The following BBS4 variants were observed in gnomAD, a reference collection of about 807,000 sequenced individuals.
BBS4 encodes the protein BBSome complex member BBS4.
Under a neutral mutation model 71.4 loss-of-function variants are expected in BBS4, and 58 were observed. The observed-to-expected ratio is 0.81, with a 90% CI of 0.66 to 1.01. The LOEUF (loss-of-function observed/expected upper bound fraction) is 1.01, where lower values mean the gene tolerates loss of function less well. Ranked by LOEUF, BBS4 falls within the 50% of genes least tolerant of loss-of-function variation. BBS4 has a pLI of 0.00. For synonymous variants in BBS4, 228 were observed against 216.8 expected (o/e 1.05, Z -0.46); for missense variants, 660 against 607.9 (o/e 1.09, Z -0.90).
chr15:72,716,561 G>C (rs1381839950), intron 5 of BBS4, among the ~76,000 whole-genome samples: 1 of 152,152 alleles, frequency 6.6e-6, no homozygotes, highest in African/African-American at 2.4e-5. Flanking sequence ...TATAGAATGA[G>C]ACCAAGGCCT....
At chr15:72,704,550 A>C in intron 2 of BBS4, 1 of 838,834 alleles carries the variant, frequency 1.2e-6, no homozygotes. Context: ...GAATTCCTTC[A>C]TCTTTGATGA....
At chr15:72,687,514 G>C (rs2064881396) in intron 1 of BBS4, among the ~76,000 whole-genome samples, 1 of 151,426 alleles carries the variant, frequency 6.6e-6, no homozygotes, top group Non-Finnish European at 1.5e-5. Flanking sequence ...TGAGGCAGGA[G>C]AATCGCTTGA....
At chr15:72,717,386 G>GAGAATTAAAAAAAA in intron 6 of BBS4, 1 of 153,458 alleles carries the variant, frequency 6.5e-6, no homozygotes, top group Admixed American at 6.5e-5. Context: ...TAATTCTCAT[G>GAGAATTAAAAAAAA]AAACAAGATG....
At chr15:72,695,335 T>C in intron 2 of BBS4, 107 bp downstream of exon 2, 1 of 730,052 alleles carries the variant, frequency 1.4e-6, no homozygotes, top group South Asian at 1.8e-5. Flanking sequence ...TCACCCAGGC[T>C]GGAGTGCAGT....
intron 2 of BBS4, among the ~76,000 whole-genome samples, chr15:72,703,036 C>T (rs1247891974): frequency 6.6e-6 from 1 of 151,054 alleles, no homozygotes; most frequent in Admixed American, 6.6e-5. Context: ...TGGTCTCGAT[C>T]TCCTGACCTC....
rs1384519087 is a variant in BBS4 at position 72,737,521 on chromosome 15, TCTGGAGCCAGAGC to T, written c.1498_1510del (p.Glu500ArgfsTer13). The T allele has an allele frequency of 6.2e-7, 1 of 1,613,246 alleles. No homozygotes were observed. The highest frequency in any genetic ancestry group is 2.2e-5 in the East Asian group (1 of 44,890). ...AGTTCACAAAGCCCCCATCTCTTCC[TCTGGAGCCAGAGC>T]CTGCGGTGGAATCAAGTCCAACTGA... On this transcript the variant is annotated frameshift_variant, in exon 16 of 16. Transcript: ENST00000268057. LOFTEE classifies it high-confidence loss of function.
intron 2 of BBS4, among the ~76,000 whole-genome samples, chr15:72,698,838 T>C (rs2065122810): frequency 1.3e-5 from 2 of 152,210 alleles, no homozygotes; most frequent in Admixed American, 1.3e-4. Context: ...CTGTACATGC[T>C]CTTCACTTCA....
chr15:72,702,107 A>G (rs2065180742), intron 2 of BBS4, among the ~76,000 whole-genome samples: 1 of 152,034 alleles, frequency 6.6e-6, no homozygotes, highest in South Asian at 2.1e-4. Flanking sequence ...CGGCCTCCCA[A>G]AGTGCTGGGA....
chr15:72,686,267 C>G lies in BBS4; in HGVS notation c.24+16C>G, dbSNP rs377301298. Reference sequence around the variant, plus strand: ...AGTCGCGACGGTGAGCGCCGAGATTCTCTTTAGTTGCCCGGCCGCAGGGCA... The same window carrying G: ...AGTCGCGACGGTGAGCGCCGAGATTGTCTTTAGTTGCCCGGCCGCAGGGCA... On this transcript the variant is annotated intron_variant, in intron 1 of 15. Coordinates refer to ENST00000268057, the MANE Select transcript of BBS4 (RefSeq NM_033028.5). 22 of 1,563,718 alleles carry G rather than the reference C, an allele frequency of 1.4e-5. No homozygotes were observed. The highest frequency in any genetic ancestry group is 3.8e-5 in the Admixed American group (2 of 52,866).
In BBS4 at chr15:72,738,074, C is replaced by A. The variant is rs1334641437; in HGVS notation, c.*487C>A. The A allele has an allele frequency of 2.2e-6, 1 of 453,984 alleles. No homozygotes were observed. Among genetic ancestry groups the A allele is most frequent in the Non-Finnish European group, 4.4e-6 (1 of 226,774 alleles). The allele number at this position is 453,984 out of a possible 1,614,324, so 28.1% of individuals were successfully genotyped here. On this transcript the variant is annotated 3_prime_UTR_variant, in exon 16 of 16. Transcript: ENST00000268057. ...CACAAATATTAGATTAATAATCCAACTTTAATAGTATACATTTAAAAGAAA... is the reference window on the plus strand; with the variant it reads ...CACAAATATTAGATTAATAATCCAAATTTAATAGTATACATTTAAAAGAAA...
At chr15:72,716,123 G>A (rs893454) in intron 5 of BBS4, among the ~76,000 whole-genome samples, 145,025 of 152,258 alleles carry the variant, frequency 0.95, 69,488 homozygotes, top group East Asian at 1. Context: ...GAATTACAGT[G>A]TTTTCAATTT....
At chr15:72,722,102 C>T (rs1432485666) in intron 6 of BBS4, among the ~76,000 whole-genome samples, 1 of 152,118 alleles carries the variant, frequency 6.6e-6, no homozygotes, top group East Asian at 1.9e-4. Flanking sequence ...AGTTCTAATG[C>T]AAAAGAGCCA....
chr15:72,700,172 T>C (rs2065145309), intron 2 of BBS4, among the ~76,000 whole-genome samples: 1 of 152,096 alleles, frequency 6.6e-6, no homozygotes, highest in South Asian at 2.1e-4. Context: ...ATTCCTTACC[T>C]CATGATCCGC....
intron 1 of BBS4, chr15:72,686,656 C>A: frequency 2.0e-6 from 2 of 986,496 alleles, no homozygotes; most frequent in Non-Finnish European, 1.4e-6. Context: ...CTGCCTTCTG[C>A]CAGTGGAGCG....
At chr15:72,733,354 C>CAT (rs34258116) in intron 12 of BBS4, among the ~76,000 whole-genome samples, 112,754 of 151,628 alleles carry the variant, frequency 0.74, 42,312 homozygotes, top group Non-Finnish European at 0.79. Flanking sequence ...TACACAGGCA[C>CAT]GTGTGTCATG....
intron 14 of BBS4, 131 bp from the exon 15 acceptor site, chr15:72,736,631 C>T: frequency 2.4e-6 from 2 of 834,890 alleles, no homozygotes; most frequent in East Asian, 2.6e-5. Flanking sequence ...TTGATAAGTA[C>T]TTCCTGCCTC....
chr15:72,734,913 C>A (rs1298567518), intron 12 of BBS4, among the ~76,000 whole-genome samples, 200 bp from the exon 13 acceptor site: 1 of 152,060 alleles, frequency 6.6e-6, no homozygotes, highest in Non-Finnish European at 1.5e-5. Flanking sequence ...AGAAAAGAAA[C>A]TGCAAAAAAA....
At chr15:72,736,321 A>G (rs551000834) in intron 14 of BBS4, among the ~76,000 whole-genome samples, 1 of 147,212 alleles carries the variant, frequency 6.8e-6, no homozygotes, top group South Asian at 2.1e-4. Context: ...AGTTCACTGC[A>G]ACCTCCGCCT....
At chr15:72,730,293 TAAAAA>T (rs1567428383) in intron 10 of BBS4, among the ~76,000 whole-genome samples, 7 of 115,544 alleles carry the variant, frequency 6.1e-5, no homozygotes, top group African/African-American at 2.3e-4. Flanking sequence ...AAAAAAAAAA[TAAAAA>T]ATAAAAAAAA....
Sources: gnomAD v4.1 joint callset for allele counts (sites outside exome capture counted in the v4.1 genomes callset) on GRCh38, gnomAD v4.1.1 for gene constraint, MANE v1.5 for transcripts, NCBI Gene and HGNC (gene_info 2026-07-23, HGNC 2026-07-21) for gene names.